MYT1L: variants seen among roughly 807,000 people sequenced by gnomAD.
MYT1L encodes myelin transcription factor 1-like protein.
A neutral mutation model predicts 126.7 loss-of-function variants in MYT1L; 12 were observed. The observed-to-expected ratio is 0.09, with a 90% confidence interval of 0.06 to 0.15. The LOEUF (loss-of-function observed/expected upper bound fraction) is 0.15. Among genes scored for constraint, MYT1L ranks in the 10% least tolerant of loss-of-function variants. The pLI, the probability that MYT1L is intolerant of heterozygous loss-of-function variation, is 1.00. For missense variants in MYT1L, 979 were observed against 1,585.2 expected, an observed-to-expected ratio of 0.62 and a Z score of 6.49; for synonymous variants, 541 against 604.2, an observed-to-expected ratio of 0.90 and a Z score of 1.53.
At chr2:2,116,239 C>T (rs1433804310) in intron 3 of MYT1L, among the ~76,000 whole-genome samples, 2 of 152,188 alleles carry the variant, frequency 1.3e-5, no homozygotes, top group African/African-American at 2.4e-5. Flanking sequence ...TCTGGAAGCT[C>T]ACGGGTCTCC....
intron 8 of MYT1L, among the ~76,000 whole-genome samples, chr2:1,947,867 G>C (rs1018058922): frequency 6.6e-6 from 1 of 152,238 alleles, no homozygotes; most frequent in East Asian, 1.9e-4. Flanking sequence ...AGCAGGGTTT[G>C]GTTTAATATG....
intron 4 of MYT1L, among the ~76,000 whole-genome samples, chr2:2,025,802 C>T (rs2065489526): frequency 6.6e-6 from 1 of 152,206 alleles, no homozygotes; most frequent in Admixed American, 6.5e-5. Flanking sequence ...CCCCCAGCTC[C>T]CAAACCTGCA....
intron 4 of MYT1L, among the ~76,000 whole-genome samples, chr2:2,004,240 GGCGTTCTTTCCT>G (rs2062818211): frequency 9.7e-5 from 7 of 72,432 alleles, no homozygotes; most frequent in Non-Finnish European, 2.1e-4. Context: ...CTTTCCTGCA[GGCGTTCTTTCCT>G]GCAGGCGTTC....
chr2:2,073,462 A>G (rs2074852377), intron 3 of MYT1L, among the ~76,000 whole-genome samples: 2 of 152,246 alleles, frequency 1.3e-5, no homozygotes, highest in African/African-American at 4.8e-5. Flanking sequence ...CCTAACATTG[A>G]TGGCTCTACA....
intron 18 of MYT1L, among the ~76,000 whole-genome samples, chr2:1,853,237 T>G (rs2043502353): frequency 6.6e-6 from 1 of 152,168 alleles, no homozygotes; most frequent in South Asian, 2.1e-4. Flanking sequence ...GGTTCTTCTG[T>G]GTGCTCCCAT....
rs527485506 is a variant in MYT1L at position 1,813,586 on chromosome 2, G to A, written c.3081-4419C>T. The stretch of plus-strand genomic sequence containing the variant: ...GAGCTCCGCCTCCCGACACGTCAGC[G>A]GCGGGATTCGATTCTCCCAGGAGCG... On this transcript the variant is annotated intron_variant, in intron 21 of 24. Transcript: ENST00000647738. Among the ~76,000 whole-genome samples, 264 of 152,254 alleles carry A rather than the reference G, an allele frequency of 1.7e-3. 3 individuals carry two copies. The highest frequency in any genetic ancestry group is 6.0e-3 in the African/African-American group (251 of 41,558).
At chr2:1,829,096 T>C (rs28617250) in intron 21 of MYT1L, among the ~76,000 whole-genome samples, 67,796 of 151,946 alleles carry the variant, frequency 0.45, 17,131 homozygotes, top group African/African-American at 0.69. Flanking sequence ...CTGCATCTAC[T>C]GGCTGCCCAG....
At chr2:1,934,191 G>C (rs1002078058) in intron 9 of MYT1L, among the ~76,000 whole-genome samples, 12 of 151,098 alleles carry the variant, frequency 7.9e-5, no homozygotes, top group African/African-American at 2.7e-4. Flanking sequence ...AGCCAGGATG[G>C]TCTCGATCTC....
At chr2:1,882,455 C>T (rs1270169776) in intron 18 of MYT1L, among the ~76,000 whole-genome samples, 1 of 152,208 alleles carries the variant, frequency 6.6e-6, no homozygotes, top group Non-Finnish European at 1.5e-5. Context: ...GGAGATCACA[C>T]ATTAGCTCTC....
intron 1 of MYT1L, among the ~76,000 whole-genome samples, chr2:2,329,471 T>G (rs1301488180): frequency 7.0e-6 from 1 of 142,552 alleles, no homozygotes; most frequent in Non-Finnish European, 1.5e-5. Flanking sequence ...CTGATTCTTA[T>G]AGTCCTCTGA....
At chr2:2,238,274 C>T (rs12465823) in intron 2 of MYT1L, among the ~76,000 whole-genome samples, 67,050 of 151,818 alleles carry the variant, frequency 0.44, 15,008 homozygotes, top group East Asian at 0.63. Context: ...TGTGTCTCTG[C>T]GCAAGGTACC....
At chr2:2,122,054 C>T (rs904953813) in intron 3 of MYT1L, among the ~76,000 whole-genome samples, 1 of 152,168 alleles carries the variant, frequency 6.6e-6, no homozygotes, top group African/African-American at 2.4e-5. Flanking sequence ...GTCAGCAGGG[C>T]GGCACCGTCA....
chr2:1,927,057 G>T (rs898288276), intron 9 of MYT1L, among the ~76,000 whole-genome samples: 1 of 152,214 alleles, frequency 6.6e-6, no homozygotes, highest in Non-Finnish European at 1.5e-5. Context: ...CAAAGCCACA[G>T]AGCAACAGAC....
rs1300142434 is a variant in MYT1L at position 1,917,666 on chromosome 2, T to A, written c.1484-327A>T. On this transcript the variant is annotated intron_variant, in intron 10 of 24. Coordinates refer to ENST00000647738, the MANE Select transcript of MYT1L (RefSeq NM_001303052.2). The surrounding 1 kb of genome is among the most constrained non-coding windows in gnomAD (Gnocchi z 5.9). ...TCAAAGGAATCAACGTAAATCGTGA[T>A]GAGACAGTGACCTTCTTAGAGAACG... 1.3e-5 allele frequency among the ~76,000 whole-genome samples: 2 copies of A among 152,228 alleles called. No individual in the cohort carries two copies. The highest frequency in any genetic ancestry group is 2.9e-5 in the Non-Finnish European group (2 of 68,044).
chr2:1,967,093 CA>C (rs2059425264), intron 8 of MYT1L, among the ~76,000 whole-genome samples: 1 of 152,080 alleles, frequency 6.6e-6, no homozygotes, highest in African/African-American at 2.4e-5. Context: ...ATACTAATAA[CA>C]GGCTGTCATC....
chr2:1,983,535 C>T (rs1417474884), intron 5 of MYT1L, among the ~76,000 whole-genome samples: 1 of 152,188 alleles, frequency 6.6e-6, no homozygotes, highest in Non-Finnish European at 1.5e-5. Flanking sequence ...GGTGTGTGGT[C>T]CTAAGGCAGC....
At chr2:2,077,283 A>T (rs1299314755) in intron 3 of MYT1L, among the ~76,000 whole-genome samples, 4 of 152,218 alleles carry the variant, frequency 2.6e-5, no homozygotes, top group Admixed American at 2.6e-4. Context: ...AATTATTTGA[A>T]GAAATAATGG....
intron 3 of MYT1L, among the ~76,000 whole-genome samples, chr2:2,164,095 G>A (rs915385335): frequency 2.6e-5 from 4 of 152,094 alleles, no homozygotes; most frequent in East Asian, 1.9e-4. Flanking sequence ...AATAGTGTAC[G>A]TAATTTAGCT....
intron 2 of MYT1L, among the ~76,000 whole-genome samples, chr2:2,200,753 G>T (rs971253136): frequency 3.9e-5 from 6 of 152,192 alleles, no homozygotes; most frequent in Non-Finnish European, 5.9e-5. Context: ...TCGAATGCCA[G>T]CAATGGCTGA....
Sources: allele counts gnomAD v4.1 joint callset (sites outside exome capture counted in the v4.1 genomes callset), GRCh38; gene constraint gnomAD v4.1.1; non-coding constraint Gnocchi (gnomAD v3.1); transcripts MANE v1.5; gene names NCBI Gene and HGNC (gene_info 2026-07-23, HGNC 2026-07-21).